The following HELZ2 variants were observed in gnomAD, a reference collection of about 807,000 sequenced individuals.
HELZ2 encodes the protein 3'-5' exoribonuclease HELZ2.
Under a neutral mutation model 208.8 loss-of-function variants are expected in HELZ2, and 143 were observed. The observed-to-expected ratio is 0.68, with a 90% CI of 0.60 to 0.79. The LOEUF is 0.79. HELZ2 is among the 30% of genes least tolerant of loss of function. HELZ2 has a pLI of 0.00. For missense variants in HELZ2, 3,690 were observed against 3,794.5 expected (o/e 0.97, Z 0.72); for synonymous variants, 1,705 against 1,693.7 (o/e 1.01, Z -0.16).
At position 63,560,344 on chromosome 20, in the gene HELZ2, G is replaced by A. The variant is rs765940521; in HGVS notation, c.7501-17C>T. 4 of 1,554,060 alleles carry A rather than the reference G, an allele frequency of 2.6e-6. No homozygotes were observed. Among genetic ancestry groups the A allele is most frequent in the African/African-American group, 1.4e-5 (1 of 73,550 alleles). On this transcript the variant is annotated splice_polypyrimidine_tract_variant and intron_variant, in intron 16 of 18. Transcript: ENST00000467148. ...GATACGGACCTGAGGAGCCGAGGGG[G>A]CAGGTGGAGCGGACCCTGGTGTCTC...
rs1600969822 is a variant in HELZ2, at chr20:63,562,394, G to A, written c.6303-12C>T. 4.5e-6 allele frequency: 7 copies of A among 1,570,366 alleles called. No homozygotes were observed. Among genetic ancestry groups the A allele is most frequent in the Non-Finnish European group, 6.0e-6 (7 of 1,166,888 alleles). Reference sequence around the variant, plus strand: ...CTTCCTCCTTGCGGCTGGGGGTGAAGGCAGACACTGGAAAACCAACAGGAC... The same window carrying A: ...CTTCCTCCTTGCGGCTGGGGGTGAAAGCAGACACTGGAAAACCAACAGGAC... On this transcript the variant is annotated splice_polypyrimidine_tract_variant and intron_variant, in intron 8 of 18. Transcript: ENST00000467148.
chr20:63,570,957 C>G (rs1042625547), intron 1 of HELZ2, 89 bp from the exon 3 acceptor site: 10 of 1,024,838 alleles, frequency 9.8e-6, no homozygotes, highest in Non-Finnish European at 1.4e-5. Flanking sequence ...CAATACTGGC[C>G]TCTGTAGGGA....
exon 5 of HELZ2, chr20:63,568,414 G>A (rs1169084966): frequency 1.9e-6 from 3 of 1,609,200 alleles, no homozygotes; most frequent in Admixed American, 1.7e-5. Context: ...TGACCTCCAG[G>A]GAGGCCATGG....
exon 17 of HELZ2, chr20:63,560,277 GTCCTGGGGC>G (rs1168244990): frequency 6.4e-7 from 1 of 1,564,660 alleles, no homozygotes; most frequent in Non-Finnish European, 8.6e-7. Context: ...GGACGGCGAT[GTCCTGGGGC>G]TCTACGGTCC....
intron 3 of HELZ2, 126 bp from the exon 5 acceptor site, chr20:63,569,791 C>T: frequency 9.4e-7 from 1 of 1,064,342 alleles, no homozygotes; most frequent in South Asian, 1.7e-5. Flanking sequence ...GGATAGAACG[C>T]AAGCAGGCCA....
chr20:63,560,800 G>A (rs763019400), exon 15 of HELZ2: 50 of 1,611,400 alleles, frequency 3.1e-5, no homozygotes, highest in Non-Finnish European at 3.8e-5. Context: ...CTCACCATGC[G>A]GTACTGAGTG....
Position 63,572,087 on chromosome 20 carries a change from TC to T in HELZ2, c.278+20del, listed in dbSNP as rs2083020853. ...GGTGGGCTCCTGCCCTACTCCAAGC[TC>T]CTGCCTCGAGTATCCTTACTTTGGG... On this transcript the variant is annotated intron_variant, in intron 1 of 18. Transcript: ENST00000467148. The T allele has an allele frequency of 1.3e-6, 2 of 1,590,800 alleles. No individual in the cohort carries two copies. Among genetic ancestry groups the T allele is most frequent in the East Asian group, 4.5e-5 (2 of 44,500 alleles).
chr20:63,564,097 G>A (rs1279464682), exon 8 of HELZ2: 1 of 1,609,026 alleles, frequency 6.2e-7, no homozygotes, highest in Non-Finnish European at 8.5e-7. Flanking sequence ...GCAGTGACAG[G>A]GGCACCCGGT....
chr20:63,564,745 G>C, exon 8 of HELZ2: 1 of 1,611,782 alleles, frequency 6.2e-7, no homozygotes, highest in Non-Finnish European at 8.5e-7. Flanking sequence ...CCAGGTCTCG[G>C]ACACTGAGGG....
intron 2 of HELZ2, 36 bp from the exon 4 acceptor site, chr20:63,570,647 A>AGGCCCCCCCCCC: frequency 6.7e-7 from 1 of 1,497,372 alleles, no homozygotes; most frequent in Non-Finnish European, 9.2e-7. Context: ...AGAGGCCTGG[A>AGGCCCCCCCCCC]CCCCACCCCA....
chr20:63,566,368 G>A lies in HELZ2; in HGVS notation c.2590+10C>T, dbSNP rs1326880996. 1 of 1,547,560 alleles carries A rather than the reference G, an allele frequency of 6.5e-7. No individual in the cohort carries two copies. The highest frequency in any genetic ancestry group is 2.4e-5 in the East Asian group (1 of 40,926). On this transcript the variant is annotated intron_variant, in intron 7 of 18. Coordinates refer to ENST00000467148, the Ensembl canonical transcript of HELZ2. ...GCAGCTGGCAGCACCTGGCCCCGCT[G>A]GTCACCCACCTGGCAGGATCTCAAA... is the stretch of plus-strand genomic sequence containing the variant.
rs367567871 is a variant in HELZ2 at position 63,561,809 on chromosome 20, C to T, written c.6691+14G>A. On this transcript the variant is annotated intron_variant, in intron 11 of 18. Transcript: ENST00000467148. ...CCAGCTCCCCAAAGGCCCCCACCGCCGACCCCGGCGCACCTGCCAGGACAT... is the reference window on the plus strand; with the variant it reads ...CCAGCTCCCCAAAGGCCCCCACCGCTGACCCCGGCGCACCTGCCAGGACAT... The T allele has an allele frequency of 1.1e-5, 17 of 1,552,394 alleles. No homozygotes were observed. The highest frequency in any genetic ancestry group is 3.9e-5 in the Admixed American group (2 of 51,506).
chr20:63,565,500 G>C lies in HELZ2; in HGVS notation c.3322C>G (p.Arg1108Gly), dbSNP rs145788793. Residue 1108 changes from arginine (R) to glycine (G), a missense_variant, in exon 8 of 19, where the codon CGG (arginine) becomes GGG (glycine). Coordinates refer to ENST00000467148, the Ensembl canonical transcript of HELZ2. ...GCCGGGGGCAGGTTCTCGTACAGCC[G>C]GGCCTGCTGCAGGGACTCGGGCCTG... 8 of 1,606,514 alleles carry C rather than the reference G, an allele frequency of 5.0e-6. No individual in the cohort carries two copies. The Admixed American group carries it at 8.3e-5, about 17-fold the overall frequency.
At chr20:63,573,315 G>C (rs1482422680), upstream of HELZ2, 1 of 152,250 alleles carries the variant, frequency 6.6e-6, no homozygotes, top group Non-Finnish European at 1.5e-5. This position sits in a 1 kb window ranked among gnomAD's most constrained non-coding sequence, Gnocchi z 4.9. Flanking sequence ...AAGGAGCTGG[G>C]GATCTGCCTA....
exon 1 of HELZ2, chr20:63,572,400 G>A (rs1237882723): frequency 4.0e-6 from 6 of 1,490,798 alleles, no homozygotes; most frequent in African/African-American, 2.8e-5. Context: ...ACGGCGCTGT[G>A]TGCAAACTGG....
intron 3 of HELZ2, 71 bp from the exon 5 acceptor site, chr20:63,569,736 G>T: frequency 7.0e-7 from 1 of 1,418,926 alleles, no homozygotes; most frequent in Non-Finnish European, 9.2e-7. Context: ...AGCCTGGCCA[G>T]CGTAGCCCAA....
chr20:63,569,000 C>T lies in HELZ2; in HGVS notation c.1089-1G>A. ...GAACACCTGGCCCCGCAGGGTCAGC[C>T]TGGCAGGATGGCCTGGGTCAGCTCA... On this transcript the variant is annotated splice_acceptor_variant, in intron 4 of 18. Transcript: ENST00000467148. LOFTEE classifies it high-confidence loss of function. 1 of 1,601,316 alleles carries T rather than the reference C, an allele frequency of 6.2e-7. No homozygotes were observed.
At chr20:63,562,822 G>A (rs768026808) in exon 8 of HELZ2, 30 of 1,610,632 alleles carry the variant, frequency 1.9e-5, no homozygotes, top group Non-Finnish European at 2.5e-5. Flanking sequence ...TGAAGTTGAT[G>A]TCGGCACAGT....
exon 4 of HELZ2, chr20:63,569,341 G>A (rs551905263): frequency 8.8e-5 from 141 of 1,602,570 alleles, no homozygotes; most frequent in Non-Finnish European, 1.1e-4. Context: ...ACCACGTGGC[G>A]GTTGCCAGTG....
Sources: gnomAD v4.1 joint callset for allele counts on GRCh38, gnomAD v4.1.1 for gene constraint, Gnocchi (gnomAD v3.1) non-coding constraint, MANE v1.5 for transcripts, NCBI Gene and HGNC (gene_info 2026-07-23, HGNC 2026-07-21) for gene names.